CDK5RAP2: variants seen among roughly 807,000 people sequenced by gnomAD.
The protein encoded by CDK5RAP2 is CDK5 regulatory subunit associated protein 2.
Under a neutral mutation model 232.9 loss-of-function variants are expected in CDK5RAP2, and 147 were observed. The ratio of observed to expected loss-of-function variants is 0.63; its 90% CI spans 0.55 to 0.72. CDK5RAP2 has a LOEUF of 0.72. Ranked by LOEUF, CDK5RAP2 falls within the 30% of genes least tolerant of loss-of-function variation. The pLI, the probability that CDK5RAP2 is intolerant of heterozygous loss-of-function variation, is 0.00. For missense variants in CDK5RAP2, 2,195 were observed against 2,231.5 expected (o/e 0.98, Z 0.33); for synonymous variants, 833 against 833.7 (o/e 1.00, Z 0.01).
chr9:120,571,332 G>A (rs901518490), intron 2 of CDK5RAP2, among the ~76,000 whole-genome samples: 1 of 152,030 alleles, frequency 6.6e-6, no homozygotes, highest in African/African-American at 2.4e-5. Flanking sequence ...AGAAAAAAAA[G>A]AACAAGTCAA....
At chr9:120,576,365 T>C (rs1302015858) in intron 1 of CDK5RAP2, among the ~76,000 whole-genome samples, 22 of 152,218 alleles carry the variant, frequency 1.4e-4, no homozygotes. Flanking sequence ...AAAAGGCACA[T>C]GGAAAGATGC....
At chr9:120,529,364 C>T (rs918472680) in intron 8 of CDK5RAP2, among the ~76,000 whole-genome samples, 7 of 152,214 alleles carry the variant, frequency 4.6e-5, no homozygotes, top group Non-Finnish European at 7.3e-5. Context: ...CCGCCTAGGG[C>T]GGGGGCAGGA....
At chr9:120,562,205 T>C (rs1196730181) in intron 3 of CDK5RAP2, among the ~76,000 whole-genome samples, 3 of 152,220 alleles carry the variant, frequency 2.0e-5, no homozygotes, top group Non-Finnish European at 2.9e-5. Context: ...AAATGGATTA[T>C]TGGGCTCAAG....
At chr9:120,481,200 A>G (rs2038286651) in intron 14 of CDK5RAP2, among the ~76,000 whole-genome samples, 1 of 152,236 alleles carries the variant, frequency 6.6e-6, no homozygotes, top group Admixed American at 6.5e-5. Flanking sequence ...GTTCATGGTC[A>G]AGGTCAGGAT....
At chr9:120,510,407 G>A (rs1275645920) in intron 12 of CDK5RAP2, among the ~76,000 whole-genome samples, 1 of 152,110 alleles carries the variant, frequency 6.6e-6, no homozygotes, top group African/African-American at 2.4e-5. Context: ...ATATGGCCAA[G>A]GCAATGTCTA....
chr9:120,528,910 G>C, intron 8 of CDK5RAP2, 113 bp from the exon 9 acceptor site: 1 of 770,630 alleles, frequency 1.3e-6, no homozygotes, highest in Non-Finnish European at 2.3e-6. Context: ...CACTACTGTG[G>C]AACTCGTTAA....
chr9:120,573,668 C>T (rs1053326312), intron 1 of CDK5RAP2, among the ~76,000 whole-genome samples: 5 of 152,054 alleles, frequency 3.3e-5, no homozygotes, highest in Non-Finnish European at 7.4e-5. Context: ...CTGAAGTCAC[C>T]TCAAGTCCAT....
At chr9:120,468,922 T>C (rs1327357739) in intron 17 of CDK5RAP2, among the ~76,000 whole-genome samples, 4 of 152,144 alleles carry the variant, frequency 2.6e-5, no homozygotes, top group Non-Finnish European at 1.5e-5. Context: ...ATAGTAGATA[T>C]CCAATATATC....
chr9:120,447,790 T>C, intron 22 of CDK5RAP2, 105 bp downstream of exon 22: 1 of 870,062 alleles, frequency 1.1e-6, no homozygotes, highest in East Asian at 2.4e-5. Flanking sequence ...TCATGAAATT[T>C]ATACTCAAAC....
At chr9:120,514,012 A>C (rs987893370) in intron 12 of CDK5RAP2, among the ~76,000 whole-genome samples, 3 of 152,216 alleles carry the variant, frequency 2.0e-5, no homozygotes, top group Non-Finnish European at 4.4e-5. Context: ...GCTCTGAGTA[A>C]GCCAGTACTT....
At chr9:120,496,769 C>T (rs1367363371) in intron 12 of CDK5RAP2, among the ~76,000 whole-genome samples, 4 of 134,330 alleles carry the variant, frequency 3.0e-5, no homozygotes, top group African/African-American at 9.6e-5. Context: ...CCAGCCGCCC[C>T]GTCCAGGAGG....
chr9:120,414,825 T>G (rs1024912975), intron 28 of CDK5RAP2, among the ~76,000 whole-genome samples: 1 of 152,236 alleles, frequency 6.6e-6, no homozygotes, highest in African/African-American at 2.4e-5. Context: ...ATTGCTTTGT[T>G]TTATCTTAAA....
chr9:120,445,420 T>C (rs1253964512), intron 22 of CDK5RAP2, among the ~76,000 whole-genome samples: 1 of 152,204 alleles, frequency 6.6e-6, no homozygotes, highest in Admixed American at 6.5e-5. Flanking sequence ...CTTCCTTCTC[T>C]ACATTGCTTT....
chr9:120,553,852 C>G (rs1564371680), intron 3 of CDK5RAP2, among the ~76,000 whole-genome samples: 1 of 152,190 alleles, frequency 6.6e-6, no homozygotes, highest in African/African-American at 2.4e-5. Flanking sequence ...GCCTCAAACT[C>G]CTAGGCTCAA....
chr9:120,454,194 T>G (rs998015009), intron 20 of CDK5RAP2, among the ~76,000 whole-genome samples: 3 of 152,198 alleles, frequency 2.0e-5, no homozygotes, highest in African/African-American at 7.2e-5. Flanking sequence ...AACGGGATTA[T>G]AAGGTGACCA....
At chr9:120,394,874 T>C (rs2032325425) in intron 35 of CDK5RAP2, among the ~76,000 whole-genome samples, 1 of 152,212 alleles carries the variant, frequency 6.6e-6, no homozygotes, top group Non-Finnish European at 1.5e-5. Flanking sequence ...CATGGCCCAG[T>C]GAGAACGCCC....
In CDK5RAP2 at chr9:120,404,113, T is replaced by C. The variant is rs751682453; in HGVS notation, c.4964A>G (p.Asp1655Gly). ...ACTTTCCATGGGATATTTGTCACCA[T>C]CTACAAAATGCAAAACACGAGAACT... ...PEVPLQPDKH[D>G]GDKYPMESDN... Residue 1655 changes from aspartate to glycine, a missense_variant and splice_region_variant, in exon 33 of 38, where the codon GAT becomes GGT. Physicochemically the swap from Asp to Gly is moderately conservative, Grantham distance 94 (BLOSUM62 -1). Transcript: ENST00000349780. The C allele has an allele frequency of 5.0e-6, 8 of 1,607,894 alleles. No individual in the cohort carries two copies. Among genetic ancestry groups the C allele is most frequent in the South Asian group, 2.2e-5 (2 of 90,990 alleles).
At chr9:120,396,372 G>A (rs2032463710) in intron 35 of CDK5RAP2, among the ~76,000 whole-genome samples, 1 of 152,148 alleles carries the variant, frequency 6.6e-6, no homozygotes, top group Non-Finnish European at 1.5e-5. Flanking sequence ...CTGTAAAATC[G>A]GAATAATCAT....
At chr9:120,415,972 T>C (rs964350561) in intron 27 of CDK5RAP2, among the ~76,000 whole-genome samples, 5 of 152,030 alleles carry the variant, frequency 3.3e-5, no homozygotes, top group Admixed American at 3.3e-4. Flanking sequence ...AGACTATATA[T>C]CATAAAAAAT....
Sources: allele counts gnomAD v4.1 joint callset (sites outside exome capture counted in the v4.1 genomes callset), GRCh38; gene constraint gnomAD v4.1.1; transcripts MANE v1.5; gene names NCBI Gene and HGNC (gene_info 2026-07-23, HGNC 2026-07-21).